The following DLGAP1 variants were observed in gnomAD, a reference collection of about 807,000 sequenced individuals.
The protein encoded by DLGAP1 is DLG associated protein 1.
Under a neutral mutation model 90.8 loss-of-function variants are expected in DLGAP1, and 11 were observed. The ratio of observed to expected loss-of-function variants is 0.12; its 90% CI spans 0.08 to 0.20. The LOEUF is 0.20. Among genes scored for constraint, DLGAP1 ranks in the 10% least tolerant of loss-of-function variants. DLGAP1 has a pLI of 1.00. For synonymous variants in DLGAP1, 558 were observed against 540.7 expected, an observed-to-expected ratio of 1.03 and a Z score of -0.44; for missense variants, 1,050 against 1,333.8, an observed-to-expected ratio of 0.79 and a Z score of 3.31.
intron 4 of DLGAP1, among the ~76,000 whole-genome samples, chr18:3,869,744 A>T (rs1033954044): frequency 6.6e-6 from 1 of 152,224 alleles, no homozygotes; most frequent in African/African-American, 2.4e-5. Flanking sequence ...ATGCCAGCTT[A>T]ATAAAAACTA....
intron 1 of DLGAP1, among the ~76,000 whole-genome samples, chr18:4,276,852 GA>G (rs1163155733): frequency 6.6e-6 from 1 of 152,170 alleles, no homozygotes; most frequent in African/African-American, 2.4e-5. Flanking sequence ...TGTCTGACTA[GA>G]GTTGTATCAG....
intron 5 of DLGAP1, among the ~76,000 whole-genome samples, chr18:3,803,784 T>G (rs2148349318): frequency 6.6e-6 from 1 of 152,088 alleles, no homozygotes; most frequent in South Asian, 2.1e-4. Context: ...AAGTGTTGGT[T>G]AAAAATCAAC....
chr18:3,847,163 G>T (rs1163237975), intron 4 of DLGAP1, among the ~76,000 whole-genome samples: 1 of 152,042 alleles, frequency 6.6e-6, no homozygotes, highest in African/African-American at 2.4e-5. Context: ...TATCAGGATA[G>T]CATTGGCCTA....
intron 5 of DLGAP1, among the ~76,000 whole-genome samples, chr18:3,781,044 T>G (rs949019421): frequency 4.6e-5 from 7 of 152,154 alleles, no homozygotes; most frequent in Non-Finnish European, 1.0e-4. Context: ...CCCAGGCCGG[T>G]CTTGAACCCC....
At chr18:3,713,093 T>G (rs1354486724) in intron 7 of DLGAP1, among the ~76,000 whole-genome samples, 1 of 152,146 alleles carries the variant, frequency 6.6e-6, no homozygotes, top group African/African-American at 2.4e-5. Flanking sequence ...TATTGGGAGA[T>G]CTATATACAC....
At chr18:4,020,468 AG>A (rs2074591283) in intron 2 of DLGAP1, among the ~76,000 whole-genome samples, 2 of 152,256 alleles carry the variant, frequency 1.3e-5, no homozygotes, top group South Asian at 4.1e-4. Flanking sequence ...CATATAAATT[AG>A]GACTTGATGT....
At chr18:3,642,801 T>C (rs2058985042) in intron 7 of DLGAP1, among the ~76,000 whole-genome samples, 1 of 152,212 alleles carries the variant, frequency 6.6e-6, no homozygotes, top group African/African-American at 2.4e-5. Flanking sequence ...GTCCAGAACT[T>C]AAAAAGCACA....
intron 5 of DLGAP1, among the ~76,000 whole-genome samples, chr18:3,767,064 A>G (rs1365417732): frequency 6.6e-6 from 1 of 152,150 alleles, no homozygotes; most frequent in Non-Finnish European, 1.5e-5. Context: ...CTAATGACCA[A>G]TATCTGGAAT....
intron 1 of DLGAP1, among the ~76,000 whole-genome samples, chr18:4,390,587 C>A (rs986491296): frequency 1.3e-5 from 2 of 152,132 alleles, no homozygotes; most frequent in East Asian, 1.9e-4. Context: ...TTGTTCTGAC[C>A]TTTCTAGAAC....
rs140099275 is a variant in DLGAP1, at chr18:3,928,345, T to C, written c.-72-48205A>G. On this transcript the variant is annotated intron_variant, in intron 3 of 12. Transcript: ENST00000315677. ...CTTTTCCTGGAAGAGCATTTGAACA[T>C]AGAGACATATTTCTCACCTCAGTAA... Among the ~76,000 whole-genome samples the C allele has an allele frequency of 5.3e-5, 8 of 152,306 alleles. No homozygotes were observed. The East Asian group carries it at 5.8e-4, about 11-fold the overall frequency.
intron 1 of DLGAP1, among the ~76,000 whole-genome samples, chr18:4,204,516 T>TTTTG (rs542742287): frequency 2.3e-3 from 342 of 151,786 alleles, no homozygotes; most frequent in African/African-American, 7.9e-3. Context: ...TGGTTTTTTT[T>TTTTG]TTGTTTTTGT....
At chr18:4,160,433 G>A (rs2076825584) in intron 1 of DLGAP1, among the ~76,000 whole-genome samples, 1 of 152,070 alleles carries the variant, frequency 6.6e-6, no homozygotes, top group Non-Finnish European at 1.5e-5. Flanking sequence ...TCTGTTATAA[G>A]AAAAGCTACA....
At chr18:3,741,478 A>G (rs2063041986) in intron 6 of DLGAP1, among the ~76,000 whole-genome samples, 2 of 150,818 alleles carry the variant, frequency 1.3e-5, no homozygotes, top group Admixed American at 6.6e-5. Context: ...CACCATTACT[A>G]TCACTACCAC....
chr18:3,708,106 AGCAATCC>A (rs1321940183), intron 7 of DLGAP1, among the ~76,000 whole-genome samples: 1 of 151,900 alleles, frequency 6.6e-6, no homozygotes, highest in Non-Finnish European at 1.5e-5. Flanking sequence ...CCGGGGCTCA[AGCAATCC>A]TCCCACCTCA....
At chr18:4,016,951 T>C (rs2074533366) in intron 2 of DLGAP1, among the ~76,000 whole-genome samples, 1 of 152,142 alleles carries the variant, frequency 6.6e-6, no homozygotes, top group Admixed American at 6.5e-5. Context: ...GCACGTGGAG[T>C]ATACTAAAGG....
intron 1 of DLGAP1, among the ~76,000 whole-genome samples, chr18:4,344,112 C>T (rs1445910713): frequency 1.3e-5 from 2 of 152,150 alleles, no homozygotes; most frequent in African/African-American, 2.4e-5. Flanking sequence ...AGACAGACAA[C>T]ATCAGCAATC....
intron 1 of DLGAP1, among the ~76,000 whole-genome samples, chr18:4,325,283 C>G (rs518470): frequency 0.22 from 33,014 of 151,984 alleles, 3,687 homozygotes; most frequent in Middle Eastern, 0.28. Flanking sequence ...AATAAAATAC[C>G]TAGTACTACA....
At chr18:3,646,101 T>G (rs2059106477) in intron 7 of DLGAP1, among the ~76,000 whole-genome samples, 1 of 152,124 alleles carries the variant, frequency 6.6e-6, no homozygotes, top group Admixed American at 6.6e-5. Flanking sequence ...AAAACAATAT[T>G]TTTAAAAAAG....
intron 1 of DLGAP1, among the ~76,000 whole-genome samples, chr18:4,213,691 C>G (rs909528867): frequency 2.0e-5 from 3 of 152,074 alleles, no homozygotes; most frequent in Admixed American, 1.3e-4. Flanking sequence ...TTAACAGTGT[C>G]AAATAGCTGC....
Sources: gnomAD v4.1 joint callset for allele counts (sites outside exome capture counted in the v4.1 genomes callset) on GRCh38, gnomAD v4.1.1 for gene constraint, MANE v1.5 for transcripts, NCBI Gene and HGNC (gene_info 2026-07-23, HGNC 2026-07-21) for gene names.